Variants in B3GALT5 observed in about 807,000 individuals in gnomAD.
The protein encoded by B3GALT5 is UDP-Gal:betaGlcNAc beta 1,3-galactosyltransferase, polypeptide 5.
For missense variants in B3GALT5, 328 were observed against 396.6 expected, an observed-to-expected ratio of 0.83 and a Z score of 1.47; for synonymous variants, 156 against 158.6, an observed-to-expected ratio of 0.98 and a Z score of 0.12.
At chr21:39,626,276 A>G (rs1324091610) in intron 1 of B3GALT5, among the ~76,000 whole-genome samples, 1 of 152,236 alleles carries the variant, frequency 6.6e-6, no homozygotes, top group East Asian at 1.9e-4. Flanking sequence ...TTTAGGGCAG[A>G]ATAGTATTTC....
chr21:39,641,366 A>T (rs1044790493), intron 1 of B3GALT5, among the ~76,000 whole-genome samples: 2 of 152,200 alleles, frequency 1.3e-5, no homozygotes, highest in African/African-American at 4.8e-5. Flanking sequence ...TAAAATAAAT[A>T]AAAAAATTTT....
chr21:39,618,935 GT>G (rs1230675932), intron 1 of B3GALT5, among the ~76,000 whole-genome samples: 3 of 152,102 alleles, frequency 2.0e-5, no homozygotes, highest in African/African-American at 7.2e-5. Context: ...TCACATTTAG[GT>G]TTTTAATCCT....
chr21:39,630,189 A>G (rs1404512), intron 1 of B3GALT5: 1 of 152,216 alleles, frequency 6.6e-6, no homozygotes, highest in Non-Finnish European at 1.5e-5. Context: ...AATGTTTAAC[A>G]ATCTTAATGA....
chr21:39,624,031 A>G (rs2079151253), intron 1 of B3GALT5, among the ~76,000 whole-genome samples: 1 of 152,160 alleles, frequency 6.6e-6, no homozygotes, highest in Non-Finnish European at 1.5e-5. Context: ...TTCTCCTTTC[A>G]GTCACAACCT....
chr21:39,615,905 G>A (rs2079105053), intron 1 of B3GALT5, among the ~76,000 whole-genome samples: 1 of 152,056 alleles, frequency 6.6e-6, no homozygotes, highest in South Asian at 2.1e-4. Context: ...TCAAGAATGA[G>A]GTATGGAAAG....
chr21:39,643,116 T>C (rs980936190), intron 1 of B3GALT5, among the ~76,000 whole-genome samples: 2 of 151,812 alleles, frequency 1.3e-5, no homozygotes, highest in African/African-American at 4.8e-5. Flanking sequence ...GAGGGGTAGC[T>C]TGAGTCTGTT....
chr21:39,655,881 C>T (rs1457384338), intron 2 of B3GALT5, among the ~76,000 whole-genome samples: 1 of 152,126 alleles, frequency 6.6e-6, no homozygotes, highest in Non-Finnish European at 1.5e-5. Context: ...CCCCGTCATG[C>T]TCTTTTCCAC....
intron 1 of B3GALT5, among the ~76,000 whole-genome samples, chr21:39,621,601 T>A (rs111981444): frequency 7.9e-5 from 12 of 152,126 alleles, no homozygotes; most frequent in African/African-American, 2.7e-4. Flanking sequence ...TAGGTTCTAT[T>A]TCCTTTTGTT....
At chr21:39,637,228 G>A (rs1290762692) in intron 1 of B3GALT5, among the ~76,000 whole-genome samples, 1 of 152,230 alleles carries the variant, frequency 6.6e-6, no homozygotes, top group Non-Finnish European at 1.5e-5. Context: ...TGTGGCAGAT[G>A]TCTGTTCCTG....
intron 1 of B3GALT5, among the ~76,000 whole-genome samples, chr21:39,626,240 G>A (rs1448797293): frequency 1.3e-5 from 2 of 152,158 alleles, no homozygotes; most frequent in Non-Finnish European, 2.9e-5. Context: ...ATCCATGTTG[G>A]AGCATGTGAC....
rs192870874 is a variant in B3GALT5 at position 39,653,426 on chromosome 21, T to C, written c.-160-6327T>C. Among the ~76,000 whole-genome samples, 516 of 152,348 alleles carry C rather than the reference T, an allele frequency of 3.4e-3. 3 individuals are homozygous for C. The highest frequency in any genetic ancestry group is 0.012 in the African/African-American group (503 of 41,572). Reference sequence around the variant, plus strand: ...CTGGGCCCTCTAAATATTTTCCCTTTGCAATCTGGCTCTTGAAGCTTATCA... The same window carrying C: ...CTGGGCCCTCTAAATATTTTCCCTTCGCAATCTGGCTCTTGAAGCTTATCA... On this transcript the variant is annotated intron_variant, in intron 2 of 3. Coordinates refer to ENST00000684187, the MANE Select transcript of B3GALT5 (RefSeq NM_001356336.2).
In B3GALT5 at chr21:39,666,045, GA is replaced by G. The variant is rs899777292; in HGVS notation, c.*4554del. 2 of 152,020 alleles carry G rather than the reference GA, an allele frequency of 1.3e-5. No individual in the cohort carries two copies. Among genetic ancestry groups the G allele is most frequent in the Non-Finnish European group, 2.9e-5 (2 of 68,004 alleles). 9.4% of individuals were successfully genotyped at this position (152,020 alleles called of 1,614,324 possible). On this transcript the variant is annotated 3_prime_UTR_variant, in exon 4 of 4. Coordinates refer to ENST00000684187, the MANE Select transcript of B3GALT5 (RefSeq NM_001356336.2). Reference sequence around the variant, plus strand: ...TTTTAGAAGGGAATGGGTGAACCAGGACTGAAAAAAAAGAAATATTTTTCAA... The same window carrying G: ...TTTTAGAAGGGAATGGGTGAACCAGGCTGAAAAAAAAGAAATATTTTTCAA...
At chr21:39,660,455 G>T in intron 3 of B3GALT5, 105 bp from the exon 4 acceptor site, 1 of 1,007,138 alleles carries the variant, frequency 9.9e-7, no homozygotes, top group South Asian at 3.3e-5. Flanking sequence ...CGAGGTTCTA[G>T]AGTTTCCAAA....
At chr21:39,640,829 T>A (rs1006122149) in intron 1 of B3GALT5, among the ~76,000 whole-genome samples, 2 of 152,092 alleles carry the variant, frequency 1.3e-5, no homozygotes, top group African/African-American at 4.8e-5. Flanking sequence ...AGCCTTGACC[T>A]CCTGGGATCA....
rs775657501 is a variant in B3GALT5, at chr21:39,623,744, G to A, written c.-392+10677G>A. Among the ~76,000 whole-genome samples, 20 of 152,138 alleles carry A rather than the reference G, an allele frequency of 1.3e-4. 1 individual carries two copies. Among genetic ancestry groups the A allele is most frequent in the Middle Eastern group, 3.4e-3 (1 of 294 alleles). Reference sequence around the variant, plus strand: ...CTTTTAGGACTTTCTCATTTTCGACGTTCTGTGGACTCACTATGATGTGGA... The same window carrying A: ...CTTTTAGGACTTTCTCATTTTCGACATTCTGTGGACTCACTATGATGTGGA... On this transcript the variant is annotated intron_variant, in intron 1 of 3. Transcript: ENST00000684187.
At chr21:39,620,085 CAG>C (rs2079126649) in intron 1 of B3GALT5, among the ~76,000 whole-genome samples, 1 of 152,254 alleles carries the variant, frequency 6.6e-6, no homozygotes, top group Non-Finnish European at 1.5e-5. Flanking sequence ...TTCAGCCTCC[CAG>C]AGTGCTGGGA....
At chr21:39,646,059 A>T (rs977643284) in intron 1 of B3GALT5, among the ~76,000 whole-genome samples, 1 of 151,464 alleles carries the variant, frequency 6.6e-6, no homozygotes. Flanking sequence ...TTGATTCTAC[A>T]TGCTTTTTAA....
At position 39,661,918 on chromosome 21, in the gene B3GALT5, A is replaced by T; in HGVS notation, c.*426A>T. ...GCAGCCCCTGACTTGAACCACTCCC[A>T]CGTGCTGCCTCCCTTAGGAGGGGAC... On this transcript the variant is annotated 3_prime_UTR_variant, in exon 4 of 4. Transcript: ENST00000684187. This position sits in a 1 kb window ranked among gnomAD's most constrained non-coding sequence, Gnocchi z 4.7. 5.9e-6 allele frequency: 1 copy of T among 169,538 alleles called. No individual in the cohort carries two copies. Among genetic ancestry groups the T allele is most frequent in the Non-Finnish European group, 1.4e-5 (1 of 70,048 alleles). 10.5% of individuals were successfully genotyped at this position (169,538 alleles called of 1,614,324 possible).
intron 1 of B3GALT5, among the ~76,000 whole-genome samples, chr21:39,632,196 A>C (rs1338534288): frequency 6.6e-6 from 1 of 152,214 alleles, no homozygotes; most frequent in Admixed American, 6.5e-5. Context: ...TGTCTTTTCC[A>C]GCATTTCCCA....
Sources: allele counts gnomAD v4.1 joint callset (sites outside exome capture counted in the v4.1 genomes callset), GRCh38; gene constraint gnomAD v4.1.1; non-coding constraint Gnocchi (gnomAD v3.1); transcripts MANE v1.5; gene names NCBI Gene and HGNC (gene_info 2026-07-23, HGNC 2026-07-21).